Variants in CPM observed in about 807,000 individuals in gnomAD.
CPM encodes renal carboxypeptidase.
A neutral mutation model predicts 46.4 loss-of-function variants in CPM; 35 were observed. The ratio of observed to expected loss-of-function variants is 0.75; its 90% CI spans 0.58 to 1.00. The LOEUF (loss-of-function observed/expected upper bound fraction) is 1.00, where lower values mean the gene tolerates loss of function less well. CPM is among the 50% of genes least tolerant of loss of function. CPM has a pLI of 0.00. For synonymous variants in CPM, 195 were observed against 195.3 expected (o/e 1.00, Z 0.01); for missense variants, 422 against 530.4 (o/e 0.80, Z 2.01).
chr12:68,951,572 T>A (rs911107130), intron 1 of CPM, among the ~76,000 whole-genome samples: 1 of 152,138 alleles, frequency 6.6e-6, no homozygotes, highest in African/African-American at 2.4e-5. Flanking sequence ...GAGGGTATTA[T>A]GTGTGCAAAG....
upstream of CPM, among the ~76,000 whole-genome samples, chr12:68,935,213 T>C (rs1322067825): frequency 1.5e-5 from 2 of 129,056 alleles, no homozygotes; most frequent in African/African-American, 5.4e-5. Flanking sequence ...CCTGGCCATC[T>C]TTTTTTTTTT....
At chr12:68,845,630 G>C in intron 5 of CPM, 1 of 177,008 alleles carries the variant, frequency 5.6e-6, no homozygotes, top group Non-Finnish European at 1.2e-5. Flanking sequence ...AAAAAAATTC[G>C]ATAGGCATTT....
intron 1 of CPM, among the ~76,000 whole-genome samples, chr12:68,943,102 A>G (rs1279357409): frequency 1.3e-5 from 2 of 152,196 alleles, no homozygotes; most frequent in Non-Finnish European, 2.9e-5. Flanking sequence ...AAGAGATTAT[A>G]TGTAATAACT....
chr12:68,886,500 C>T (rs1175980940), intron 2 of CPM, among the ~76,000 whole-genome samples: 9 of 152,040 alleles, frequency 5.9e-5, no homozygotes, highest in African/African-American at 1.2e-4. Context: ...GGCGTGGTGG[C>T]GGGCGCCTGT....
intron 3 of CPM, among the ~76,000 whole-genome samples, chr12:68,874,697 G>T (rs1270131221): frequency 1.3e-5 from 2 of 152,182 alleles, no homozygotes; most frequent in African/African-American, 2.4e-5. Context: ...ACAGGAAGGT[G>T]AGGAGGAAGT....
At chr12:68,859,177 A>C in intron 7 of CPM, 106 bp from the exon 8 acceptor site, 2 of 574,914 alleles carry the variant, frequency 3.5e-6, no homozygotes, top group Non-Finnish European at 5.2e-6. Flanking sequence ...AGCTAACTCA[A>C]TGTTGTGAGT....
At chr12:68,857,376 G>T (rs1885024594) in intron 8 of CPM, among the ~76,000 whole-genome samples, 1 of 151,966 alleles carries the variant, frequency 6.6e-6, no homozygotes, top group South Asian at 2.1e-4. Flanking sequence ...TGGCCAGGCT[G>T]GTCTTGAACT....
At chr12:68,870,849 G>C (rs1483243709) in intron 4 of CPM, among the ~76,000 whole-genome samples, 1 of 152,194 alleles carries the variant, frequency 6.6e-6, no homozygotes, top group Non-Finnish European at 1.5e-5. Flanking sequence ...GGAATCAACA[G>C]TAAATAAAAA....
At chr12:68,912,881 C>T (rs760239179) in intron 2 of CPM, among the ~76,000 whole-genome samples, 2 of 152,160 alleles carry the variant, frequency 1.3e-5, no homozygotes, top group Admixed American at 1.3e-4. Context: ...TTTTGTTTTC[C>T]TCCATTAATA....
chr12:68,928,888 C>T (rs1226814046), intron 2 of CPM, among the ~76,000 whole-genome samples: 1 of 151,066 alleles, frequency 6.6e-6, no homozygotes, highest in African/African-American at 2.4e-5. Flanking sequence ...CACAGGCATG[C>T]ACCATTATGC....
chr12:68,892,239 G>A (rs1011905692), intron 2 of CPM, among the ~76,000 whole-genome samples: 3 of 152,144 alleles, frequency 2.0e-5, no homozygotes, highest in South Asian at 2.1e-4. Flanking sequence ...CAAAAGAAAC[G>A]TGAACGTGTG....
intron 1 of CPM, among the ~76,000 whole-genome samples, chr12:68,962,071 G>A (rs891833661): frequency 1.3e-5 from 2 of 151,800 alleles, no homozygotes; most frequent in Non-Finnish European, 2.9e-5. Flanking sequence ...ACGGTGGTGG[G>A]CGCCTGTAGT....
At chr12:68,914,591 G>C (rs986472888) in intron 2 of CPM, among the ~76,000 whole-genome samples, 4 of 152,164 alleles carry the variant, frequency 2.6e-5, no homozygotes, top group Non-Finnish European at 5.9e-5. Context: ...TTTAAATCTA[G>C]ATGTCTGTTC....
chr12:68,963,237 A>G, exon 1 of CPM: 1 of 199,804 alleles, frequency 5.0e-6, no homozygotes, highest in Admixed American at 5.6e-5. Flanking sequence ...GAAGGAAGAA[A>G]TGCTGCTCAG....
chr12:68,890,323 C>T (rs763677365), intron 2 of CPM, among the ~76,000 whole-genome samples: 10 of 151,378 alleles, frequency 6.6e-5, no homozygotes, highest in Admixed American at 3.3e-4. Context: ...GATGATAAAG[C>T]TGAGTAATTA....
At chr12:68,868,126 A>G (rs1202106271) in intron 6 of CPM, among the ~76,000 whole-genome samples, 1 of 152,194 alleles carries the variant, frequency 6.6e-6, no homozygotes, top group Non-Finnish European at 1.5e-5. Flanking sequence ...TTCGAAAGTT[A>G]GACAGTGAAC....
chr12:68,882,205 A>G (rs928342653), intron 3 of CPM, among the ~76,000 whole-genome samples: 4 of 151,976 alleles, frequency 2.6e-5, no homozygotes, highest in African/African-American at 2.4e-5. Context: ...TAAGCATAGT[A>G]TCTAACAGGT....
intron 7 of CPM, among the ~76,000 whole-genome samples, chr12:68,865,065 C>A (rs1398399972): frequency 6.6e-6 from 1 of 151,866 alleles, no homozygotes. Context: ...ACTAAAGGAT[C>A]AATAGAGGTA....
At position 68,869,436 on chromosome 12, in the gene CPM, C is replaced by T; in HGVS notation, c.676G>A (p.Ala226Thr). 1 of 1,613,646 alleles carries T rather than the reference C, an allele frequency of 6.2e-7. No homozygotes were observed. Among genetic ancestry groups the T allele is most frequent in the South Asian group, 1.1e-5 (1 of 91,004 alleles). Reference protein sequence around the residue: ...TPDDDVFQYLAHTYASRNPNM... With the variant: ...TPDDDVFQYLTHTYASRNPNM... The stretch of plus-strand genomic sequence containing the variant: ...GGATTTCTTGAAGCATAGGTATGTG[C>T]AAGATATTGAAAAACATCATCATCA... Residue 226 changes from alanine (A) to threonine (T), a missense_variant, in exon 6 of 9, where the codon GCA becomes ACA. Physicochemically the swap from Ala to Thr is moderately conservative, Grantham distance 58. Transcript: ENST00000551568.
Sources: allele counts gnomAD v4.1 joint callset (sites outside exome capture counted in the v4.1 genomes callset), GRCh38; gene constraint gnomAD v4.1.1; transcripts MANE v1.5; gene names NCBI Gene and HGNC (gene_info 2026-07-23, HGNC 2026-07-21).